MUC5AC: variants seen among roughly 807,000 people sequenced by gnomAD.
MUC5AC encodes mucin 5AC, oligomeric mucus/gel-forming, also known as mucin-5AC.
In MUC5AC, 158 loss-of-function variants were observed where a neutral mutation model predicts 169.7. The observed-to-expected ratio is 0.93, with a 90% CI of 0.82 to 1.06. MUC5AC has a LOEUF of 1.06. Among genes scored for constraint, MUC5AC ranks in the 50% least tolerant of loss-of-function variants. The pLI, the probability that MUC5AC is intolerant of heterozygous loss-of-function variation, is 0.00. For missense variants in MUC5AC, 4,359 were observed against 3,089.9 expected, an observed-to-expected ratio of 1.41 and a Z score of -9.74; for synonymous variants, 1,975 against 1,237.0, an observed-to-expected ratio of 1.60 and a Z score of -12.52.
In MUC5AC at chr11:1,191,583, A is replaced by T. The variant is rs1295109477; in HGVS notation, c.13438A>T (p.Thr4480Ser). Residue 4480 changes from threonine (T) to serine (S), a missense_variant, in exon 31 of 49, where the codon ACT (threonine) becomes TCT (serine). Thr to Ser is a moderately conservative substitution (Grantham distance 58). Coordinates refer to ENST00000621226, the MANE Select transcript of MUC5AC (RefSeq NM_001304359.2). Reference sequence around the variant, plus strand: ...CAGCATGACCTCTGGTCCTGGAACTACTCCCAGCCCTGTTCCCACCACCAG... The same window carrying T: ...CAGCATGACCTCTGGTCCTGGAACTTCTCCCAGCCCTGTTCCCACCACCAG... Reference protein sequence around the residue: ...ITSMTSGPGTTPSPVPTTSTT... With the variant: ...ITSMTSGPGTSPSPVPTTSTT... 1 of 744,578 alleles carries T rather than the reference A, an allele frequency of 1.3e-6. No homozygotes were observed. Among genetic ancestry groups the T allele is most frequent in the African/African-American group, 1.8e-5 (1 of 56,260 alleles). 46.1% of individuals were successfully genotyped at this position (744,578 alleles called of 1,614,324 possible).
chr11:1,161,580 G>A lies in MUC5AC; in HGVS notation c.205G>A (p.Val69Ile). The change falls in exon 3 of 49, where the codon GTA becomes ATA. Residue 69 changes from valine to isoleucine, a missense_variant. Transcript: ENST00000621226. ...CCCATCTCTGAGGACCATCCCTGTGGTACGAGGTGAGTGGAGCCCGGAGGC... is the reference window on the plus strand; with the variant it reads ...CCCATCTCTGAGGACCATCCCTGTGATACGAGGTGAGTGGAGCCCGGAGGC... ...VFPSLRTIPV[V>I]RASNPAHNGR... The A allele has an allele frequency of 6.2e-7, 1 of 1,610,012 alleles. No individual in the cohort carries two copies. Among genetic ancestry groups the A allele is most frequent in the African/African-American group, 1.3e-5 (1 of 75,008 alleles).
chr11:1,176,693 G>A (rs1186527536), intron 21 of MUC5AC, 28 bp downstream of exon 21: 6 of 398,544 alleles, frequency 1.5e-5, no homozygotes, highest in Non-Finnish European at 2.7e-5. Context: ...AGCCCATGGG[G>A]GGTGTCAGGC....
chr11:1,177,395 G>C, intron 23 of MUC5AC, 51 bp downstream of exon 23: 1 of 408,588 alleles, frequency 2.4e-6, no homozygotes, highest in Non-Finnish European at 4.3e-6. Context: ...CCATGGCAGC[G>C]TCTGGTCAGG....
At chr11:1,175,843 A>ACACCCACTTATGCAACACTCT (rs1860668489) in intron 19 of MUC5AC, among the ~76,000 whole-genome samples, 3 of 5,000 alleles carry the variant, frequency 6.0e-4, no homozygotes, top group Non-Finnish European at 1.2e-3. Context: ...ACACGCACTC[A>ACACCCACTTATGCAACACTCT]CACACCCACT....
intron 12 of MUC5AC, 112 bp from the exon 13 acceptor site, chr11:1,168,371 G>A (rs1205305517): frequency 5.8e-6 from 6 of 1,027,086 alleles, no homozygotes; most frequent in East Asian, 2.6e-5. Flanking sequence ...TGTAGGAGCC[G>A]CAGCTGCAGG....
In MUC5AC at chr11:1,164,248, T is replaced by C. The variant is rs780456471; in HGVS notation, c.932T>C (p.Leu311Pro). The C allele has an allele frequency of 1.2e-6, 2 of 1,612,658 alleles. No homozygotes were observed. Among genetic ancestry groups the C allele is most frequent in the Admixed American group, 3.3e-5 (2 of 60,028 alleles). ...TDLLSCVCHT[L>P]AEYSRQCTHA... ...CTGCTCAGCTGCGTCTGCCACACCC[T>C]TGCCGAGTACTCCCGGCAGTGCACC... Residue 311 changes from leucine (L) to proline (P), a missense_variant, in exon 8 of 49, where the codon CTT (leucine) becomes CCT (proline). Leu to Pro is a moderately conservative substitution (Grantham distance 98). Coordinates refer to ENST00000621226, the MANE Select transcript of MUC5AC (RefSeq NM_001304359.2).
chr11:1,190,572 C>T lies in MUC5AC; in HGVS notation c.12427C>T (p.His4143Tyr). 1.5e-6 allele frequency: 1 copy of T among 666,446 alleles called. No homozygotes were observed. Among genetic ancestry groups the T allele is most frequent in the South Asian group, 1.5e-5 (1 of 64,530 alleles). The allele number at this position is 666,446 out of a possible 1,614,324, so 41.3% of individuals were successfully genotyped here. The change falls in exon 31 of 49, where the codon CAC (histidine) becomes TAC (tyrosine). Residue 4143 changes from histidine to tyrosine, a missense_variant. Transcript: ENST00000621226. ...PTTSTTSAPT[H>Y]RTTSGPTTST... ...AACCAGCACGACCTCAGCTCCTACA[C>T]ACAGAACGACTTCTGGTCCTACAAC...
intron 6 of MUC5AC, 79 bp from the exon 7 acceptor site, chr11:1,163,803 C>T (rs755903077): frequency 5.2e-5 from 62 of 1,189,296 alleles, no homozygotes; most frequent in Non-Finnish European, 7.3e-5. Context: ...GGACCCGGCC[C>T]TGGGGGCTCT....
rs989823849 is a variant in MUC5AC, at chr11:1,197,703, C to T, written c.16033+64C>T. On this transcript the variant is annotated intron_variant, in intron 41 of 48. Coordinates refer to ENST00000621226, the MANE Select transcript of MUC5AC (RefSeq NM_001304359.2). Reference sequence around the variant, plus strand: ...CAGGTGACCCGGAGCCCACTCGGCCCGGACTTTGCTGCTGCCTTGGGGCGT... The same window carrying T: ...CAGGTGACCCGGAGCCCACTCGGCCTGGACTTTGCTGCTGCCTTGGGGCGT... 2.3e-4 allele frequency: 150 copies of T among 643,174 alleles called. No homozygotes were observed. The East Asian group carries it at 3.7e-3, about 16-fold the overall frequency. 39.8% of individuals were successfully genotyped at this position (643,174 alleles called of 1,614,324 possible). A position where few individuals can be genotyped will look rare whatever the true frequency, so the allele number is the denominator to read the frequency against.
At position 1,188,738 on chromosome 11, in the gene MUC5AC, T is replaced by G; in HGVS notation, c.10593T>G (p.Asp3531Glu). 1.3e-6 allele frequency: 1 copy of G among 760,534 alleles called. No individual in the cohort carries two copies. The highest frequency in any genetic ancestry group is 2.4e-6 in the Non-Finnish European group (1 of 415,482). 47.1% of individuals were successfully genotyped at this position (760,534 alleles called of 1,614,324 possible). ...HPRCTWTKWF[D>E]VDFPSPGPHG... Reference sequence around the variant, plus strand: ...GGTGCACCTGGACCAAATGGTTTGATGTGGACTTTCCATCCCCTGGACCCC... The same window carrying G: ...GGTGCACCTGGACCAAATGGTTTGAGGTGGACTTTCCATCCCCTGGACCCC... Residue 3531 changes from aspartate (D) to glutamate (E), a missense_variant, in exon 31 of 49, where the codon GAT becomes GAG. By Grantham distance (45) the Asp-to-Glu change is conservative (BLOSUM62 2). Transcript: ENST00000621226.
chr11:1,163,755 G>A, intron 6 of MUC5AC, 127 bp from the exon 7 acceptor site: 1 of 716,658 alleles, frequency 1.4e-6, no homozygotes, highest in Non-Finnish European at 2.4e-6. Context: ...ATCCAGATGG[G>A]GCAGGAGCCA....
rs1861025202 is a variant in MUC5AC at position 1,189,311 on chromosome 11, T to C, written c.11166T>C (p.Ser3722=). ...TTSTPQTTTS[S]APTSSTTSAP... is the part of the protein sequence containing the mutation. ...CCACTCCACAGACCACCACATCCTC[T>C]GCCCCTACAAGCAGCACAACCTCGG... The change falls in exon 31 of 49, where the codon TCT becomes TCC. Residue 3722 remains serine, a synonymous_variant. Transcript: ENST00000621226. 1 of 568,706 alleles carries C rather than the reference T, an allele frequency of 1.8e-6. No individual in the cohort carries two copies. The highest frequency in any genetic ancestry group is 2.5e-5 in the South Asian group (1 of 40,144). The allele number at this position is 568,706 out of a possible 1,614,324, so 35.2% of individuals were successfully genotyped here. A position where few individuals can be genotyped will look rare whatever the true frequency, so the allele number is the denominator to read the frequency against.
Position 1,190,393 on chromosome 11 carries a change from C to G in MUC5AC, c.12248C>G (p.Ser4083Cys). 10 of 660,518 alleles carry G rather than the reference C, an allele frequency of 1.5e-5. No individual in the cohort carries two copies. The highest frequency in any genetic ancestry group is 6.5e-5 in the Admixed American group (3 of 45,894). The allele number at this position is 660,518 out of a possible 1,614,324, so 40.9% of individuals were successfully genotyped here. A position where few individuals can be genotyped will look rare whatever the true frequency, so the allele number is the denominator to read the frequency against. The stretch of plus-strand genomic sequence containing the variant: ...ACCAGCCCAACTCAGAGCACTTCCT[C>G]TTGGCAGAAATCCAGGACAACCACT... The part of the protein sequence containing the change: ...RATSPTQSTS[S>C]WQKSRTTTLV... Residue 4083 changes from serine (S) to cysteine (C), a missense_variant, in exon 31 of 49, where the codon TCT becomes TGT. Ser to Cys is a moderately radical substitution (Grantham distance 112). Coordinates refer to ENST00000621226, the MANE Select transcript of MUC5AC (RefSeq NM_001304359.2).
chr11:1,161,700 G>A, intron 3 of MUC5AC, 114 bp downstream of exon 3: 1 of 1,325,314 alleles, frequency 7.5e-7, no homozygotes, highest in East Asian at 2.5e-5. Context: ...TGAACACTGG[G>A]TGGGTATTGG....
At chr11:1,193,792 C>T (rs1861185905) in intron 33 of MUC5AC, 133 bp downstream of exon 33, 1 of 638,522 alleles carries the variant, frequency 1.6e-6, no homozygotes, top group African/African-American at 1.8e-5. Context: ...AAGGACTTCC[C>T]AGCATCAAGG....
Position 1,188,077 on chromosome 11 carries a change from T to G in MUC5AC, c.9932T>G (p.Leu3311Arg). 1.3e-6 allele frequency: 1 copy of G among 743,340 alleles called. No homozygotes were observed. Among genetic ancestry groups the G allele is most frequent in the Non-Finnish European group, 2.5e-6 (1 of 405,844 alleles). The allele number at this position is 743,340 out of a possible 1,614,324, so 46.0% of individuals were successfully genotyped here. A position where few individuals can be genotyped will look rare whatever the true frequency, so the allele number is the denominator to read the frequency against. ...QDQQGPFKMCLNYEVRVLCCE... is the reference protein window; with the variant it reads ...QDQQGPFKMCRNYEVRVLCCE... ...CAGCAGGGACCCTTCAAGATGTGCC[T>G]CAACTACGAGGTGCGTGTGCTCTGC... is the stretch of plus-strand genomic sequence containing the variant. Residue 3311 changes from leucine (L) to arginine (R), a missense_variant, in exon 31 of 49, where the codon CTC (leucine) becomes CGC (arginine). Transcript: ENST00000621226.
In MUC5AC at chr11:1,197,915, GC is replaced by G. The variant is rs2133777576; in HGVS notation, c.16048del (p.Arg5350AlafsTer129). 1 of 726,374 alleles carries G rather than the reference GC, an allele frequency of 1.4e-6. No individual in the cohort carries two copies. The highest frequency in any genetic ancestry group is 1.4e-5 in the South Asian group (1 of 69,166). The allele number at this position is 726,374 out of a possible 1,614,324, so 45.0% of individuals were successfully genotyped here. ...CPQYSCACNT[S>X]RCPAPVGCPE... ...CCCGCCCCCGCAGCCTGCAACACCA[GC>G]CGCTGCCCCGCGCCCGTGGGCTGTC... On this transcript the variant is annotated frameshift_variant, in exon 42 of 49. Coordinates refer to ENST00000621226, the MANE Select transcript of MUC5AC (RefSeq NM_001304359.2). LOFTEE classifies it high-confidence loss of function.
rs1232012211 is a variant in MUC5AC, at chr11:1,185,709, A to T, written c.7564A>T (p.Thr2522Ser). The T allele has an allele frequency of 1.3e-6, 1 of 744,254 alleles. No individual in the cohort carries two copies. Among genetic ancestry groups the T allele is most frequent in the Non-Finnish European group, 2.5e-6 (1 of 407,300 alleles). 46.1% of individuals were successfully genotyped at this position (744,254 alleles called of 1,614,324 possible). ...AACCAGCACAACCTCTGCTTCTACA[A>T]CCAGCACAACCTCTGGTGCTGGAAC... ...PTTSTTSAST[T>S]STTSGAGTTP... The change falls in exon 31 of 49, where the codon ACC becomes TCC. Residue 2522 changes from threonine to serine, a missense_variant. Transcript: ENST00000621226.
At chr11:1,181,245 C>T (rs1336599809) in intron 29 of MUC5AC, 26 bp from the exon 30 acceptor site, 10 of 398,474 alleles carry the variant, frequency 2.5e-5, no homozygotes, top group South Asian at 2.5e-4. Flanking sequence ...CAGCCTCTGA[C>T]GGGCCTGGGC....
Sources: gnomAD v4.1 joint callset for allele counts (sites outside exome capture counted in the v4.1 genomes callset) on GRCh38, gnomAD v4.1.1 for gene constraint, MANE v1.5 for transcripts, NCBI Gene and HGNC (gene_info 2026-07-23, HGNC 2026-07-21) for gene names.